PRKCA: variants seen among roughly 807,000 people sequenced by gnomAD.
The protein encoded by PRKCA is protein kinase C alpha, also known as protein kinase C alpha type.
In PRKCA, 27 loss-of-function variants were observed where a neutral mutation model predicts 87.0. That is an observed-to-expected ratio of 0.31 (90% CI 0.23 to 0.43). The LOEUF (loss-of-function observed/expected upper bound fraction) is 0.43. PRKCA is among the 20% of genes least tolerant of loss of function. The probability of loss-of-function intolerance (pLI) is 1.00; values close to 1 mark genes in which losing one functional copy is unlikely to be tolerated. For synonymous variants in PRKCA, 329 were observed against 311.1 expected (o/e 1.06, Z -0.61); for missense variants, 518 against 852.3 (o/e 0.61, Z 4.88).
intron 9 of PRKCA, among the ~76,000 whole-genome samples, chr17:66,733,067 C>G (rs1323126080): frequency 6.7e-6 from 1 of 148,972 alleles, no homozygotes; most frequent in African/African-American, 2.5e-5. Context: ...AGGAGAATGG[C>G]GTGAACCTGG....
chr17:66,378,000 C>T (rs1239275458), intron 2 of PRKCA, among the ~76,000 whole-genome samples: 1 of 152,052 alleles, frequency 6.6e-6, no homozygotes, highest in African/African-American at 2.4e-5. Context: ...TTGATGGGCA[C>T]ATTATATTGT....
At chr17:66,397,284 T>TTTC (rs1285020660) in intron 2 of PRKCA, among the ~76,000 whole-genome samples, 2 of 148,650 alleles carry the variant, frequency 1.3e-5, no homozygotes, top group East Asian at 3.9e-4. Flanking sequence ...ACTTTTTTTT[T>TTTC]TTTTTTTTTT....
At chr17:66,310,785 C>G (rs1905051401) in intron 2 of PRKCA, among the ~76,000 whole-genome samples, 1 of 152,196 alleles carries the variant, frequency 6.6e-6, no homozygotes, top group African/African-American at 2.4e-5. Context: ...GAGTGAGTCA[C>G]CAGCCTTTCA....
chr17:66,358,001 A>G (rs1375279992), intron 2 of PRKCA, among the ~76,000 whole-genome samples: 1 of 152,250 alleles, frequency 6.6e-6, no homozygotes, highest in Non-Finnish European at 1.5e-5. Flanking sequence ...TATATTAATT[A>G]GAATTATATG....
At chr17:66,481,330 C>T (rs34488708) in intron 2 of PRKCA, among the ~76,000 whole-genome samples, 32,272 of 152,024 alleles carry the variant, frequency 0.21, 3,624 homozygotes, top group Middle Eastern at 0.24. Context: ...ATTTGTTGAC[C>T]AGAAGGTAAG....
chr17:66,449,243 A>G (rs996884427), intron 2 of PRKCA, among the ~76,000 whole-genome samples: 3 of 152,106 alleles, frequency 2.0e-5, no homozygotes, highest in African/African-American at 7.2e-5. Context: ...GAGCAGCGAT[A>G]GCACCACTGC....
intron 2 of PRKCA, among the ~76,000 whole-genome samples, chr17:66,440,034 G>T (rs1173959410): frequency 5.3e-5 from 8 of 152,050 alleles, no homozygotes; most frequent in Non-Finnish European, 1.0e-4. Flanking sequence ...CCTAAATAAG[G>T]GTCTTGGGGT....
chr17:66,565,904 A>C (rs1968875197), intron 3 of PRKCA, among the ~76,000 whole-genome samples: 1 of 152,020 alleles, frequency 6.6e-6, no homozygotes. Context: ...CGGGAAATCA[A>C]AGTTGACTAC....
At chr17:66,762,311 G>A (rs1056534799) in intron 13 of PRKCA, among the ~76,000 whole-genome samples, 8 of 152,186 alleles carry the variant, frequency 5.3e-5, no homozygotes, top group African/African-American at 1.9e-4. Context: ...GCAGTATGGA[G>A]TTATGTATAC....
At chr17:66,340,920 A>T (rs895053097) in intron 2 of PRKCA, among the ~76,000 whole-genome samples, 59 of 152,236 alleles carry the variant, frequency 3.9e-4, no homozygotes, top group African/African-American at 1.3e-3. Context: ...TGCGAGTGCC[A>T]GGAGTCAGCC....
At chr17:66,794,316 A>G (rs9915504) in intron 16 of PRKCA, among the ~76,000 whole-genome samples, 83,604 of 152,126 alleles carry the variant, frequency 0.55, 26,368 homozygotes, top group African/African-American at 0.87. Flanking sequence ...GAATAAGAAC[A>G]TTGAGGACAT....
At chr17:66,731,992 G>A (rs961955449) in intron 8 of PRKCA, among the ~76,000 whole-genome samples, 14 of 151,190 alleles carry the variant, frequency 9.3e-5, no homozygotes, top group Admixed American at 4.6e-4. Flanking sequence ...GTTTCACCAT[G>A]TTGGCCAGGC....
Position 66,357,569 on chromosome 17 carries a change from T to C in PRKCA, c.205+51442T>C, listed in dbSNP as rs1450488164. 5.3e-5 allele frequency among the ~76,000 whole-genome samples: 8 copies of C among 152,372 alleles called. No individual in the cohort carries two copies. The East Asian group carries it at 1.5e-3, about 29-fold the overall frequency. On this transcript the variant is annotated intron_variant, in intron 2 of 16. Coordinates refer to ENST00000413366, the MANE Select transcript of PRKCA (RefSeq NM_002737.3). ...AGGGGCTTTGGAATTACAACAGGGT[T>C]GAATACTGGCGCTACTTGTTAGCTG...
chr17:66,741,744 C>T lies in PRKCA; in HGVS notation c.1385+23C>T, dbSNP rs776681881. The T allele has an allele frequency of 2.5e-6, 4 of 1,609,712 alleles. No homozygotes were observed. In the South Asian group the frequency reaches 4.4e-5, roughly 18 times the overall value. ...TAGGTGTGTATTGAAGCCCTCCTAC[C>T]AGCAGCTCAGCAGAGAGGTTAGCTG... On this transcript the variant is annotated intron_variant, in intron 12 of 16. Transcript: ENST00000413366.
chr17:66,479,966 A>G (rs991785114), intron 2 of PRKCA, among the ~76,000 whole-genome samples: 1 of 151,174 alleles, frequency 6.6e-6, no homozygotes, highest in Non-Finnish European at 1.5e-5. Flanking sequence ...ACACAAGTTT[A>G]CCCATATAAC....
At chr17:66,794,831 C>A (rs754016107) in intron 16 of PRKCA, among the ~76,000 whole-genome samples, 6 of 151,958 alleles carry the variant, frequency 3.9e-5, no homozygotes, top group Non-Finnish European at 8.8e-5. Flanking sequence ...GCCATGTTGG[C>A]CAGGCTGGTC....
At chr17:66,616,739 G>C (rs539627641) in intron 3 of PRKCA, among the ~76,000 whole-genome samples, 6 of 152,300 alleles carry the variant, frequency 3.9e-5, no homozygotes, top group African/African-American at 1.4e-4. Flanking sequence ...AGCTTCCACT[G>C]TGTTAAGTGC....
intron 3 of PRKCA, among the ~76,000 whole-genome samples, chr17:66,570,970 GT>G (rs1325580867): frequency 6.6e-6 from 1 of 152,130 alleles, no homozygotes; most frequent in Non-Finnish European, 1.5e-5. Flanking sequence ...CACCTCTAAG[GT>G]TGCTGTGAAG....
intron 5 of PRKCA, among the ~76,000 whole-genome samples, chr17:66,658,931 T>G (rs1393962759): frequency 6.6e-6 from 1 of 152,222 alleles, no homozygotes; most frequent in African/African-American, 2.4e-5. Context: ...AGGAACACAC[T>G]GTGAAATCAC....
Sources: gnomAD v4.1 joint callset for allele counts (sites outside exome capture counted in the v4.1 genomes callset) on GRCh38, gnomAD v4.1.1 for gene constraint, MANE v1.5 for transcripts, NCBI Gene and HGNC (gene_info 2026-07-23, HGNC 2026-07-21) for gene names.